The following GUSB variants were observed in gnomAD, a reference collection of about 807,000 sequenced individuals.
GUSB encodes beta-glucuronidase.
GUSB carries 51 observed loss-of-function variants against 74.6 expected under a neutral mutation model. The observed-to-expected ratio is 0.68, with a 90% CI of 0.55 to 0.86. GUSB has a LOEUF of 0.86. Among genes scored for constraint, GUSB ranks in the 40% least tolerant of loss-of-function variants. The pLI is 0.00. For missense variants in GUSB, 736 were observed against 853.7 expected, an observed-to-expected ratio of 0.86 and a Z score of 1.72; for synonymous variants, 360 against 348.3, an observed-to-expected ratio of 1.03 and a Z score of -0.37.
At chr7:65,964,026 G>C (rs2008188) in intron 11 of GUSB, 234,591 of 426,200 alleles carry the variant, frequency 0.55, 67,231 homozygotes, top group East Asian at 0.84. Context: ...CCCGTTTTTC[G>C]TTCCTCCTTG....
chr7:65,968,355 GC>G (rs1002826150), intron 9 of GUSB, among the ~76,000 whole-genome samples: 3 of 152,076 alleles, frequency 2.0e-5, no homozygotes, highest in African/African-American at 7.2e-5. Context: ...TCACAAAGTG[GC>G]CCAGAGGAGG....
In GUSB at chr7:65,981,991, G is replaced by T; in HGVS notation, c.193C>A (p.Arg65=). 1 of 1,608,260 alleles carries T rather than the reference G, an allele frequency of 6.2e-7. No individual in the cohort carries two copies. ...GATCGCACCTCCCACAGCGGCCGCC[G>T]GTACCACTGCTCCTCGAAGCCCCGG... ...RRRGFEEQWY[R]RPLWESGPTV... The change falls in exon 1 of 12, where the codon CGG becomes AGG. Residue 65 remains arginine, a synonymous_variant. Transcript: ENST00000304895.
rs756087154 is a variant in GUSB at position 65,961,074 on chromosome 7, A to C, written c.1790-11T>G. ...GCACTCTCGTCGGTGCTACAAAAAAAAAAAAAAGACACAAAGCGATTCAGA... is the reference window on the plus strand; with the variant it reads ...GCACTCTCGTCGGTGCTACAAAAAACAAAAAAAGACACAAAGCGATTCAGA... On this transcript the variant is annotated splice_polypyrimidine_tract_variant and intron_variant, in intron 11 of 11. Coordinates refer to ENST00000304895, the MANE Select transcript of GUSB (RefSeq NM_000181.4). The C allele has an allele frequency of 3.1e-6, 5 of 1,613,828 alleles. No individual in the cohort carries two copies. The highest frequency in any genetic ancestry group is 1.6e-4 in the Middle Eastern group (1 of 6,062).
At chr7:65,966,030 C>T (rs554036949) in intron 10 of GUSB, among the ~76,000 whole-genome samples, 23 of 152,048 alleles carry the variant, frequency 1.5e-4, no homozygotes, top group Non-Finnish European at 1.8e-4. Flanking sequence ...ATGAGGTGGG[C>T]GTGGTGGCGC....
intron 8 of GUSB, among the ~76,000 whole-genome samples, chr7:65,971,326 C>T (rs192497483): frequency 1.2e-4 from 19 of 152,308 alleles, no homozygotes; most frequent in Admixed American, 1.0e-3. Flanking sequence ...GTGCAAGTGC[C>T]GGGCAAGGCG....
chr7:65,963,711 A>C (rs1171521565), intron 11 of GUSB, among the ~76,000 whole-genome samples: 1 of 152,044 alleles, frequency 6.6e-6, no homozygotes, highest in Non-Finnish European at 1.5e-5. Context: ...ACGCCTAGCT[A>C]ATCTGTTTAT....
At chr7:65,964,200 G>T in intron 11 of GUSB, 123 bp downstream of exon 11, 1 of 941,310 alleles carries the variant, frequency 1.1e-6, no homozygotes, top group Non-Finnish European at 1.8e-6. Flanking sequence ...CAACCTACAT[G>T]GATTAAACCA....
chr7:65,979,961 A>C, intron 2 of GUSB, 50 bp from the exon 3 acceptor site: 2 of 1,453,482 alleles, frequency 1.4e-6, no homozygotes, highest in African/African-American at 1.4e-5. Context: ...GGGCATGAGG[A>C]GGCGCCCTAC....
intron 10 of GUSB, among the ~76,000 whole-genome samples, chr7:65,964,899 T>A (rs1790734063): frequency 6.6e-6 from 1 of 150,992 alleles, no homozygotes; most frequent in Admixed American, 6.6e-5. Context: ...CAAGACCCCA[T>A]CTCTACAAAA....
At position 65,980,376 on chromosome 7, in the gene GUSB, T is replaced by C. The variant is rs1791924177; in HGVS notation, c.244A>G (p.Ser82Gly). Residue 82 changes from serine (S) to glycine (G), a missense_variant, in exon 2 of 12, where the codon AGC (serine) becomes GGC (glycine). Around this residue, in one of 2 missense-constraint regions of GUSB, gnomAD observed 368 missense variants for 363.8 expected, o/e 1.01. Coordinates refer to ENST00000304895, the MANE Select transcript of GUSB (RefSeq NM_000181.4). Reference sequence around the variant, plus strand: ...CAGTCCTGGCTGATGTCATTGAAGCTGGAGGGAACTGGCATGTCCACGGTG... The same window carrying C: ...CAGTCCTGGCTGATGTCATTGAAGCCGGAGGGAACTGGCATGTCCACGGTG... ...GPTVDMPVPSSFNDISQDWRL... is the reference protein window; with the variant it reads ...GPTVDMPVPSGFNDISQDWRL... The C allele has an allele frequency of 1.2e-6, 2 of 1,613,820 alleles. No homozygotes were observed. Among genetic ancestry groups the C allele is most frequent in the Non-Finnish European group, 1.7e-6 (2 of 1,179,900 alleles).
chr7:65,961,813 A>C (rs1171236869), intron 11 of GUSB, among the ~76,000 whole-genome samples: 1 of 152,140 alleles, frequency 6.6e-6, no homozygotes, highest in Non-Finnish European at 1.5e-5. Flanking sequence ...ACCAGCCTGG[A>C]CAATATGGTG....
intron 6 of GUSB, 43 bp downstream of exon 6, chr7:65,974,876 G>A (rs764995331): frequency 6.2e-7 from 1 of 1,605,220 alleles, no homozygotes; most frequent in South Asian, 1.1e-5. Flanking sequence ...AGTGGAGGGT[G>A]ACCAGAAGCA....
Position 65,961,064 on chromosome 7 carries a change from CT to C in GUSB, c.1790-2del. 9 of 1,601,156 alleles carry C rather than the reference CT, an allele frequency of 5.6e-6. No homozygotes were observed. The Admixed American group carries it at 1.0e-4, about 19-fold the overall frequency. ...TTATTCCCCAGCACTCTCGTCGGTG[CT>C]ACAAAAAAAAAAAAAAGACACAAAG... On this transcript the variant is annotated splice_acceptor_variant, in intron 11 of 11. Coordinates refer to ENST00000304895, the MANE Select transcript of GUSB (RefSeq NM_000181.4). LOFTEE classifies it high-confidence loss of function.
rs1413013673 is a variant in GUSB, at chr7:65,974,599, C to T, written c.1171G>A (p.Glu391Lys). 3 of 1,614,208 alleles carry T rather than the reference C, an allele frequency of 1.9e-6. No individual in the cohort carries two copies. Among genetic ancestry groups the T allele is most frequent in the Non-Finnish European group, 2.5e-6 (3 of 1,180,038 alleles). ...FRTSHYPYAE[E>K]VMQMCDRYGI... Reference sequence around the variant, plus strand: ...TAGCGGTCACACATCTGCATCACTTCCTCTGCATAGGGGTAGTGGCTGGTA... The same window carrying T: ...TAGCGGTCACACATCTGCATCACTTTCTCTGCATAGGGGTAGTGGCTGGTA... The change falls in exon 7 of 12, where the codon GAA becomes AAA. Residue 391 changes from glutamate (E) to lysine (K), a missense_variant. By Grantham distance (56) the Glu-to-Lys change is moderately conservative. Coordinates refer to ENST00000304895, the MANE Select transcript of GUSB (RefSeq NM_000181.4).
chr7:65,962,870 CAAAA>C lies in GUSB; in HGVS notation c.1789+1449_1789+1452del, dbSNP rs143099285. ...CTGGGAAACGAGCAAAACTCCGTCT[CAAAA>C]AAAAAAAAGAGTCTCACTCTATTGC... On this transcript the variant is annotated intron_variant, in intron 11 of 11. Coordinates refer to ENST00000304895, the MANE Select transcript of GUSB (RefSeq NM_000181.4). Among the ~76,000 whole-genome samples, 32 of 143,438 alleles carry C rather than the reference CAAAA, an allele frequency of 2.2e-4. 1 individual carries two copies. In the East Asian group the frequency reaches 6.4e-3, roughly 28 times the overall value. 94.1% of individuals were successfully genotyped at this position (143,438 alleles called of 152,430 possible).
At chr7:65,981,182 G>A (rs933590529) in intron 1 of GUSB, among the ~76,000 whole-genome samples, 1 of 151,774 alleles carries the variant, frequency 6.6e-6, no homozygotes, top group African/African-American at 2.4e-5. Context: ...AGACCACCCT[G>A]GGTAAATAGT....
At chr7:65,981,008 C>T (rs752728090) in intron 1 of GUSB, among the ~76,000 whole-genome samples, 3 of 152,180 alleles carry the variant, frequency 2.0e-5, no homozygotes, top group Non-Finnish European at 4.4e-5. Flanking sequence ...CTTCCTGCCT[C>T]GGCAGAGCTG....
In GUSB at chr7:65,960,977, ATC is replaced by A. The variant is rs935464108; in HGVS notation, c.1874_1875del (p.Arg625IlefsTer7). 7 of 1,613,600 alleles carry A rather than the reference ATC, an allele frequency of 4.3e-6. No homozygotes were observed. Among genetic ancestry groups the A allele is most frequent in the South Asian group, 1.1e-5 (1 of 91,056 alleles). ...PKSAAFLLRE[R>X]YWKIANETRY... The stretch of plus-strand genomic sequence containing the variant: ...CTGGTTTCATTGGCAATCTTCCAGT[ATC>A]TCTCTCGCAAAAGGAACGCTGCACT... On this transcript the variant is annotated frameshift_variant, in exon 12 of 12. Coordinates refer to ENST00000304895, the MANE Select transcript of GUSB (RefSeq NM_000181.4). LOFTEE classifies it low-confidence loss of function (END_TRUNC).
chr7:65,978,980 T>A (rs1791791135), intron 4 of GUSB, among the ~76,000 whole-genome samples: 1 of 152,140 alleles, frequency 6.6e-6, no homozygotes, highest in Admixed American at 6.6e-5. Flanking sequence ...TTGCCCAGGC[T>A]GCTCTTGAAC....
Sources: allele counts gnomAD v4.1 joint callset (sites outside exome capture counted in the v4.1 genomes callset), GRCh38; gene constraint gnomAD v4.1.1; regional missense constraint gnomAD v4.1.1; transcripts MANE v1.5; gene names NCBI Gene and HGNC (gene_info 2026-07-23, HGNC 2026-07-21).